L3MBTL4: variants seen among roughly 807,000 people sequenced by gnomAD.
L3MBTL4 encodes the protein lethal(3)malignant brain tumor-like protein 4.
L3MBTL4 carries 70 observed loss-of-function variants against 84.5 expected under a neutral mutation model. The ratio of observed to expected loss-of-function variants is 0.83; its 90% CI spans 0.68 to 1.01. The LOEUF is 1.01. L3MBTL4 is among the 50% of genes least tolerant of loss of function. The pLI, the probability that L3MBTL4 is intolerant of heterozygous loss-of-function variation, is 0.00. For synonymous variants in L3MBTL4, 274 were observed against 259.8 expected (o/e 1.05, Z -0.52); for missense variants, 715 against 754.8 (o/e 0.95, Z 0.62).
At chr18:6,035,773 AC>A (rs756493657) in intron 16 of L3MBTL4, among the ~76,000 whole-genome samples, 9 of 152,168 alleles carry the variant, frequency 5.9e-5, no homozygotes, top group African/African-American at 1.2e-4. Context: ...GATTCTTCCT[AC>A]CCATGAGCAT....
In L3MBTL4 at chr18:6,080,880, C is replaced by T; in HGVS notation, c.1444+1G>A. 3.1e-6 allele frequency: 5 copies of T among 1,598,486 alleles called. No individual in the cohort carries two copies. Among genetic ancestry groups the T allele is most frequent in the Non-Finnish European group, 4.3e-6 (5 of 1,169,920 alleles). On this transcript the variant is annotated splice_donor_variant, in intron 16 of 18. Transcript: ENST00000317931. LOFTEE classifies it high-confidence loss of function. Reference sequence around the variant, plus strand: ...TGTTTTGCTAGTGTTTTTGTTTTTACCTCTGAAGAGATTATCCAAGTCAAT... The same window carrying T: ...TGTTTTGCTAGTGTTTTTGTTTTTATCTCTGAAGAGATTATCCAAGTCAAT...
intron 16 of L3MBTL4, among the ~76,000 whole-genome samples, chr18:6,050,939 C>T (rs1337228050): frequency 6.6e-6 from 1 of 152,118 alleles, no homozygotes; most frequent in Admixed American, 6.5e-5. Context: ...TTTTCTCTGG[C>T]CTCAGGTCTC....
intron 16 of L3MBTL4, among the ~76,000 whole-genome samples, chr18:5,989,762 C>A (rs911908491): frequency 2.6e-5 from 4 of 152,218 alleles, no homozygotes; most frequent in African/African-American, 9.6e-5. Context: ...AATCACTTCA[C>A]ATGTCAAACA....
intron 12 of L3MBTL4, among the ~76,000 whole-genome samples, chr18:6,196,577 C>T (rs776281523): frequency 6.6e-6 from 1 of 152,198 alleles, no homozygotes; most frequent in Non-Finnish European, 1.5e-5. Context: ...AGAAAAGTCA[C>T]ATCATTTATG....
At chr18:6,078,756 T>C (rs2057960824) in intron 16 of L3MBTL4, among the ~76,000 whole-genome samples, 1 of 152,178 alleles carries the variant, frequency 6.6e-6, no homozygotes, top group Non-Finnish European at 1.5e-5. Flanking sequence ...ATTACATTTA[T>C]TGTGCACTTT....
At chr18:6,144,743 A>G (rs1478914785) in intron 13 of L3MBTL4, among the ~76,000 whole-genome samples, 1 of 152,224 alleles carries the variant, frequency 6.6e-6, no homozygotes, top group Non-Finnish European at 1.5e-5. Context: ...AAGGCACCGT[A>G]AAGACAAATG....
At chr18:6,265,274 A>G (rs1212760364) in intron 4 of L3MBTL4, among the ~76,000 whole-genome samples, 2 of 152,214 alleles carry the variant, frequency 1.3e-5, no homozygotes, top group Admixed American at 6.5e-5. Flanking sequence ...CAAATTTTCT[A>G]GATGAATAGC....
chr18:6,074,265 A>C (rs1261277106), intron 16 of L3MBTL4, among the ~76,000 whole-genome samples: 1 of 152,194 alleles, frequency 6.6e-6, no homozygotes, highest in Non-Finnish European at 1.5e-5. Flanking sequence ...ATATGTTTAC[A>C]TTCGATTAGA....
chr18:6,264,851 C>T (rs1340907515), intron 4 of L3MBTL4, among the ~76,000 whole-genome samples: 3 of 152,218 alleles, frequency 2.0e-5, no homozygotes, highest in Non-Finnish European at 4.4e-5. Flanking sequence ...TTAATGCAAT[C>T]GCAGTAGACA....
intron 4 of L3MBTL4, among the ~76,000 whole-genome samples, chr18:6,297,485 G>C (rs556241663): frequency 6.6e-6 from 1 of 152,266 alleles, no homozygotes; most frequent in East Asian, 1.9e-4. Flanking sequence ...TGAAGGGTAT[G>C]CAGGACTATT....
intron 12 of L3MBTL4, among the ~76,000 whole-genome samples, chr18:6,211,812 C>A (rs900032939): frequency 3.3e-5 from 5 of 152,098 alleles, no homozygotes; most frequent in Admixed American, 6.5e-5. Flanking sequence ...CCACACCCAG[C>A]TAATTTTTGT....
At chr18:6,340,695 C>CT (rs1295761438) in intron 1 of L3MBTL4, among the ~76,000 whole-genome samples, 1 of 152,068 alleles carries the variant, frequency 6.6e-6, no homozygotes, top group African/African-American at 2.4e-5. Context: ...CAAAATGACT[C>CT]TCCTGTGGGC....
chr18:6,352,713 C>T (rs932298039), intron 1 of L3MBTL4, among the ~76,000 whole-genome samples: 2 of 152,108 alleles, frequency 1.3e-5, no homozygotes, highest in Admixed American at 6.5e-5. Context: ...CAAAGGGATG[C>T]TATATCATGA....
At chr18:5,988,730 A>C (rs1473801407) in intron 16 of L3MBTL4, among the ~76,000 whole-genome samples, 1 of 152,154 alleles carries the variant, frequency 6.6e-6, no homozygotes, top group Non-Finnish European at 1.5e-5. Context: ...GGGCTAGATC[A>C]GGGGTTGTCA....
At chr18:5,996,541 C>T (rs1277213988) in intron 16 of L3MBTL4, among the ~76,000 whole-genome samples, 1 of 152,176 alleles carries the variant, frequency 6.6e-6, no homozygotes, top group Admixed American at 6.5e-5. Context: ...GCAGCTGTGG[C>T]TATGGTAGGT....
intron 1 of L3MBTL4, among the ~76,000 whole-genome samples, chr18:6,378,740 A>G (rs1403847038): frequency 6.6e-6 from 1 of 152,178 alleles, no homozygotes; most frequent in East Asian, 1.9e-4. Flanking sequence ...TATAGTTTGA[A>G]GTCAGGTACT....
intron 1 of L3MBTL4, among the ~76,000 whole-genome samples, chr18:6,365,457 C>T (rs576101921): frequency 7.9e-5 from 12 of 152,290 alleles, no homozygotes; most frequent in African/African-American, 2.6e-4. Context: ...GCTTTATCCT[C>T]AGAAGAAATA....
At chr18:6,374,376 T>G (rs566164655) in intron 1 of L3MBTL4, 5 of 154,940 alleles carry the variant, frequency 3.2e-5, no homozygotes, top group Non-Finnish European at 5.9e-5. Flanking sequence ...TGCTAAAACA[T>G]TTTATCAAGA....
chr18:6,294,650 G>C (rs1410375418), intron 4 of L3MBTL4, among the ~76,000 whole-genome samples: 1 of 152,124 alleles, frequency 6.6e-6, no homozygotes, highest in East Asian at 1.9e-4. Flanking sequence ...GGGCTTGAAG[G>C]CTTCCCAAAT....
Sources: allele counts gnomAD v4.1 joint callset (sites outside exome capture counted in the v4.1 genomes callset), GRCh38; gene constraint gnomAD v4.1.1; transcripts MANE v1.5; gene names NCBI Gene and HGNC (gene_info 2026-07-23, HGNC 2026-07-21).